Variants in ANKS1B observed in about 807,000 individuals in gnomAD.
The protein encoded by ANKS1B is ankyrin repeat and sterile alpha motif domain-containing protein 1B.
In ANKS1B, 36 loss-of-function variants were observed where a neutral mutation model predicts 148.3. The ratio of observed to expected loss-of-function variants is 0.24; its 90% CI spans 0.19 to 0.32. The LOEUF (loss-of-function observed/expected upper bound fraction) is 0.32. Among genes scored for constraint, ANKS1B ranks in the 10% least tolerant of loss-of-function variants. The pLI is 1.00. For missense variants in ANKS1B, 1,157 were observed against 1,542.6 expected (o/e 0.75, Z 4.19); for synonymous variants, 542 against 560.8 (o/e 0.97, Z 0.47).
At chr12:99,470,140 A>G (rs2152899850) in intron 10 of ANKS1B, among the ~76,000 whole-genome samples, 2 of 151,188 alleles carry the variant, frequency 1.3e-5, no homozygotes, top group East Asian at 3.9e-4. Flanking sequence ...TAATAATAAT[A>G]AAGTTTTCAT....
At chr12:99,343,656 T>C (rs1416373475) in intron 12 of ANKS1B, 1 of 151,994 alleles carries the variant, frequency 6.6e-6, no homozygotes, top group African/African-American at 2.4e-5. Context: ...AGACAAATAA[T>C]AAAATAACCC....
intron 16 of ANKS1B, among the ~76,000 whole-genome samples, chr12:99,077,924 G>A (rs1046373540): frequency 5.3e-5 from 8 of 152,142 alleles, no homozygotes; most frequent in African/African-American, 1.9e-4. Flanking sequence ...CTTCATCTAT[G>A]ACATAGGGGT....
intron 17 of ANKS1B, among the ~76,000 whole-genome samples, chr12:98,860,487 C>G (rs564553656): frequency 6.6e-6 from 1 of 151,936 alleles, no homozygotes; most frequent in African/African-American, 2.4e-5. Flanking sequence ...AAAATATGCA[C>G]AAAATTAGAA....
intron 11 of ANKS1B, among the ~76,000 whole-genome samples, chr12:99,407,845 G>GA (rs2094567980): frequency 6.9e-6 from 1 of 145,734 alleles, no homozygotes; most frequent in Admixed American, 6.8e-5. Flanking sequence ...GAAAGACATT[G>GA]AAAATCATAT....
At chr12:99,475,603 A>T in intron 10 of ANKS1B, among the ~76,000 whole-genome samples, 1 of 151,830 alleles carries the variant, frequency 6.6e-6, no homozygotes, top group East Asian at 1.9e-4. Flanking sequence ...ATTTTTTTAT[A>T]ATTCCATTTT....
intron 1 of ANKS1B, among the ~76,000 whole-genome samples, chr12:99,829,080 G>C (rs975915790): frequency 6.6e-6 from 1 of 152,124 alleles, no homozygotes; most frequent in African/African-American, 2.4e-5. Flanking sequence ...CATAAGAAAA[G>C]TAGGACACCG....
chr12:99,335,414 A>G (rs2088613960), intron 12 of ANKS1B, among the ~76,000 whole-genome samples: 1 of 151,946 alleles, frequency 6.6e-6, no homozygotes, highest in Admixed American at 6.6e-5. Flanking sequence ...TGTTGACTAT[A>G]GTCACCCTGT....
chr12:99,712,102 C>G (rs537544969), intron 8 of ANKS1B, among the ~76,000 whole-genome samples: 1 of 152,104 alleles, frequency 6.6e-6, no homozygotes, highest in Non-Finnish European at 1.5e-5. Context: ...GAACAGAAAA[C>G]CAAACATTGC....
intron 1 of ANKS1B, among the ~76,000 whole-genome samples, chr12:99,950,931 TA>T (rs1274067387): frequency 1.3e-5 from 2 of 152,216 alleles, no homozygotes; most frequent in East Asian, 3.8e-4. Flanking sequence ...AAATCACACA[TA>T]AGATATAAAT....
At chr12:99,696,402 G>A (rs1186653357) in intron 8 of ANKS1B, among the ~76,000 whole-genome samples, 1 of 152,058 alleles carries the variant, frequency 6.6e-6, no homozygotes, top group Non-Finnish European at 1.5e-5. Context: ...CATATTAGTG[G>A]AACAGAATAA....
At chr12:99,132,041 C>T (rs1220535286) in intron 15 of ANKS1B, among the ~76,000 whole-genome samples, 2 of 152,158 alleles carry the variant, frequency 1.3e-5, no homozygotes, top group Non-Finnish European at 2.9e-5. Flanking sequence ...TTCCCACCCC[C>T]AGGCCAGCAG....
At chr12:99,776,409 G>T (rs184319647) in intron 6 of ANKS1B, among the ~76,000 whole-genome samples, 7 of 152,268 alleles carry the variant, frequency 4.6e-5, no homozygotes, top group African/African-American at 1.7e-4. Context: ...AAGTAAAGGA[G>T]GAGTATTATT....
chr12:99,805,625 C>T (rs1413595721), intron 4 of ANKS1B, among the ~76,000 whole-genome samples: 4 of 152,090 alleles, frequency 2.6e-5, no homozygotes, highest in Admixed American at 6.6e-5. Context: ...CAGAGCAAGA[C>T]TCTGTCTGAA....
chr12:99,224,622 T>C (rs1566672864), intron 14 of ANKS1B, among the ~76,000 whole-genome samples: 1 of 152,188 alleles, frequency 6.6e-6, no homozygotes, highest in South Asian at 2.1e-4. Context: ...CTATACTTCC[T>C]ATAAAGCCTG....
intron 9 of ANKS1B, among the ~76,000 whole-genome samples, chr12:99,570,712 G>C (rs560532332): frequency 6.6e-6 from 1 of 151,474 alleles, no homozygotes; most frequent in East Asian, 1.9e-4. Flanking sequence ...ATGAAGCTGG[G>C]TGACTGGTAT....
At chr12:99,196,162 T>C (rs373845400) in intron 14 of ANKS1B, among the ~76,000 whole-genome samples, 29 of 152,324 alleles carry the variant, frequency 1.9e-4, no homozygotes, top group South Asian at 1.2e-3. Flanking sequence ...TATTCATTTG[T>C]TGGATATTCT....
At chr12:99,869,681 C>CAAAAAAAAAAAA (rs34916090) in intron 1 of ANKS1B, among the ~76,000 whole-genome samples, 1 of 123,530 alleles carries the variant, frequency 8.1e-6, no homozygotes, top group African/African-American at 3.0e-5. Context: ...AACTTTGTCT[C>CAAAAAAAAAAAA]AAAAAAAAAA....
intron 9 of ANKS1B, among the ~76,000 whole-genome samples, chr12:99,516,679 A>G (rs1433333276): frequency 1.3e-5 from 2 of 152,026 alleles, no homozygotes; most frequent in African/African-American, 2.4e-5. Context: ...GCAGCAAACC[A>G]CCATGGCACA....
At chr12:99,151,532 A>T (rs1306646783) in intron 15 of ANKS1B, among the ~76,000 whole-genome samples, 1 of 152,050 alleles carries the variant, frequency 6.6e-6, no homozygotes, top group African/African-American at 2.4e-5. Flanking sequence ...CCACTCAAAA[A>T]AAAAAAAAAC....
Sources: gnomAD v4.1 joint callset for allele counts (sites outside exome capture counted in the v4.1 genomes callset) on GRCh38, gnomAD v4.1.1 for gene constraint, MANE v1.5 for transcripts, NCBI Gene and HGNC (gene_info 2026-07-23, HGNC 2026-07-21) for gene names.